The following RARB variants were observed in gnomAD, a reference collection of about 807,000 sequenced individuals.
The protein encoded by RARB is retinoic acid receptor beta, also known as HBV-activated protein.
In RARB, 17 loss-of-function variants were observed where a neutral mutation model predicts 51.9. The observed-to-expected ratio is 0.33, with a 90% confidence interval of 0.22 to 0.49. RARB has a LOEUF of 0.49. Ranked by LOEUF, RARB falls within the 20% of genes least tolerant of loss-of-function variation. The pLI is 0.99. For missense variants in RARB, 369 were observed against 550.8 expected (o/e 0.67, Z 3.30); for synonymous variants, 215 against 195.4 (o/e 1.10, Z -0.84).
chr3:25,095,932 C>G (rs1345789203), intron 3 of RARB, among the ~76,000 whole-genome samples: 2 of 152,170 alleles, frequency 1.3e-5, no homozygotes, highest in Non-Finnish European at 2.9e-5. Flanking sequence ...CCAAACTGTT[C>G]AGCACTGTGG....
chr3:24,952,378 A>G (rs1695913537), intron 2 of RARB, among the ~76,000 whole-genome samples: 1 of 152,192 alleles, frequency 6.6e-6, no homozygotes, highest in African/African-American at 2.4e-5. Context: ...AATACACATT[A>G]TCTGAGATTT....
chr3:25,577,101 T>C (rs1038152960), intron 4 of RARB, among the ~76,000 whole-genome samples: 11 of 151,926 alleles, frequency 7.2e-5, no homozygotes, highest in Non-Finnish European at 1.6e-4. Flanking sequence ...AACCAGAAAG[T>C]AGAAATATGT....
intron 5 of RARB, among the ~76,000 whole-genome samples, chr3:25,206,086 A>G (rs1369603534): frequency 6.6e-6 from 1 of 152,178 alleles, no homozygotes; most frequent in Non-Finnish European, 1.5e-5. Flanking sequence ...TCAACTTACA[A>G]TGGGTTTTTT....
chr3:24,918,160 A>G (rs11712813), intron 2 of RARB, among the ~76,000 whole-genome samples: 68,747 of 152,050 alleles, frequency 0.45, 16,586 homozygotes, highest in East Asian at 0.71. Flanking sequence ...ATGTTCATCA[A>G]CTGGTGAATG....
At chr3:24,946,637 G>A (rs1575085228) in intron 2 of RARB, among the ~76,000 whole-genome samples, 2 of 152,112 alleles carry the variant, frequency 1.3e-5, no homozygotes, top group Admixed American at 1.3e-4. Context: ...GGGAGGCTGA[G>A]GCAGGAGGAT....
At chr3:25,351,047 C>G (rs1705553968) in intron 5 of RARB, among the ~76,000 whole-genome samples, 1 of 152,166 alleles carries the variant, frequency 6.6e-6, no homozygotes, top group Admixed American at 6.5e-5. Context: ...CTGGCTTTAT[C>G]TAACGTCTTA....
intron 2 of RARB, among the ~76,000 whole-genome samples, chr3:24,917,829 T>C (rs1304068912): frequency 1.3e-5 from 2 of 152,178 alleles, no homozygotes; most frequent in African/African-American, 2.4e-5. Context: ...GCCCAGCCCA[T>C]GTCGTTAGTC....
At position 24,867,521 on chromosome 3, in the gene RARB, A is replaced by G. The variant is rs187723796; in HGVS notation, c.-380+8769A>G. On this transcript the variant is annotated intron_variant, in intron 2 of 11. Transcript: ENST00000383772. ...CTCGATTTTGAAGTAACGACTGTTC[A>G]TATAGTTGTCTCAGAAACCCTTGCT... Among the ~76,000 whole-genome samples the G allele has an allele frequency of 2.0e-5, 3 of 152,270 alleles. No homozygotes were observed. The East Asian group carries it at 5.8e-4, about 30-fold the overall frequency.
At position 25,053,232 on chromosome 3, in the gene RARB, C is replaced by G. The variant is rs139897508; in HGVS notation, c.-379-6893C>G. Among the ~76,000 whole-genome samples, 159 of 152,226 alleles carry G rather than the reference C, an allele frequency of 1.0e-3. 1 individual carries two copies. In the East Asian group the frequency reaches 0.026, roughly 25 times the overall value. On this transcript the variant is annotated intron_variant, in intron 2 of 11. Transcript: ENST00000383772. Reference sequence around the variant, plus strand: ...GACAAGGTTTGATGGTGGTAATTAACTTTATCCCTTCATACAATCACATTA... The same window carrying G: ...GACAAGGTTTGATGGTGGTAATTAAGTTTATCCCTTCATACAATCACATTA...
rs192528044 is a variant in RARB, at chr3:25,327,322, A to T, written c.179-133871A>T. 4.7e-4 allele frequency among the ~76,000 whole-genome samples: 72 copies of T among 152,292 alleles called. 1 individual carries two copies. The East Asian group carries it at 0.013, about 27-fold the overall frequency. On this transcript the variant is annotated intron_variant, in intron 5 of 11. Coordinates refer to the RARB transcript ENST00000383772. Reference sequence around the variant, plus strand: ...GGGTACAGTTATTGAAAAATTTTTTAAAAAGATTCACATCAAGCAGCACTA... The same window carrying T: ...GGGTACAGTTATTGAAAAATTTTTTTAAAAGATTCACATCAAGCAGCACTA...
rs147826543 is a variant in RARB at position 24,896,897 on chromosome 3, G to A, written c.-380+38145G>A. Among the ~76,000 whole-genome samples the A allele has an allele frequency of 3.0e-3, 457 of 152,232 alleles. 2 individuals are homozygous for A. Among genetic ancestry groups the A allele is most frequent in the African/African-American group, 0.011 (439 of 41,542 alleles). ...TGAAAACTGAACTAGAAAAATAATG[G>A]ACACATTAAACTTGCCCAGAAGTTA... On this transcript the variant is annotated intron_variant, in intron 2 of 11. Transcript: ENST00000383772.
At chr3:24,935,768 C>T (rs9818150) in intron 2 of RARB, among the ~76,000 whole-genome samples, 150,691 of 152,266 alleles carry the variant, frequency 0.99, 74,575 homozygotes, top group Middle Eastern at 1. Flanking sequence ...TTCACTTGCT[C>T]ATGTGATTAC....
Position 25,050,247 on chromosome 3 carries a change from T to C in RARB, c.-379-9878T>C, listed in dbSNP as rs1048406930. Among the ~76,000 whole-genome samples the C allele has an allele frequency of 4.6e-5, 7 of 152,058 alleles. No individual in the cohort carries two copies. In the South Asian group the frequency reaches 1.5e-3, roughly 32 times the overall value. The stretch of plus-strand genomic sequence containing the variant: ...CTCCTTGACTCCCAGGCTGTGGCTG[T>C]GGAAAGAGTCTAGAGGGCACATTTA... On this transcript the variant is annotated intron_variant, in intron 2 of 11. Coordinates refer to the RARB transcript ENST00000383772.
At chr3:25,299,667 C>A (rs1415886814) in intron 5 of RARB, among the ~76,000 whole-genome samples, 1 of 152,032 alleles carries the variant, frequency 6.6e-6, no homozygotes, top group Non-Finnish European at 1.5e-5. Flanking sequence ...AATTGGTTTT[C>A]TTTATAATCC....
intron 4 of RARB, among the ~76,000 whole-genome samples, chr3:25,143,411 T>C (rs1472133278): frequency 6.6e-6 from 1 of 152,164 alleles, no homozygotes; most frequent in Non-Finnish European, 1.5e-5. Context: ...AGCCAAGCTG[T>C]GTAATTTAGT....
chr3:25,022,110 C>G (rs1697651556), intron 2 of RARB, among the ~76,000 whole-genome samples: 1 of 152,128 alleles, frequency 6.6e-6, no homozygotes, highest in Non-Finnish European at 1.5e-5. Flanking sequence ...CTGCCAGAAA[C>G]TGGAGAGCTT....
intron 2 of RARB, among the ~76,000 whole-genome samples, chr3:24,859,813 A>G (rs764279763): frequency 3.9e-5 from 6 of 152,232 alleles, no homozygotes; most frequent in Non-Finnish European, 8.8e-5. Context: ...CATTGTAGCA[A>G]TAAAGCAGCC....
intron 5 of RARB, among the ~76,000 whole-genome samples, chr3:25,379,126 CT>C (rs1706552380): frequency 6.6e-6 from 1 of 152,136 alleles, no homozygotes; most frequent in African/African-American, 2.4e-5. Flanking sequence ...ACTTAATGGT[CT>C]GTTTAGATAG....
intron 2 of RARB, among the ~76,000 whole-genome samples, chr3:24,934,730 A>G (rs373848838): frequency 1.3e-5 from 2 of 152,238 alleles, no homozygotes; most frequent in African/African-American, 4.8e-5. Context: ...CCATATTCCT[A>G]TATTATTATG....
Sources: gnomAD v4.1 joint callset for allele counts (sites outside exome capture counted in the v4.1 genomes callset) on GRCh38, gnomAD v4.1.1 for gene constraint, MANE v1.5 for transcripts, NCBI Gene and HGNC (gene_info 2026-07-23, HGNC 2026-07-21) for gene names.